The following TP63 variants were observed in gnomAD, a reference collection of about 807,000 sequenced individuals.
The protein encoded by TP63 is tumor protein 63.
In TP63, 17 loss-of-function variants were observed where a neutral mutation model predicts 82.8. That is an observed-to-expected ratio of 0.21 (90% CI 0.14 to 0.31). The LOEUF is 0.31. Ranked by LOEUF, TP63 falls within the 10% of genes least tolerant of loss-of-function variation. The pLI, the probability that TP63 is intolerant of heterozygous loss-of-function variation, is 1.00. For missense variants in TP63, 648 were observed against 895.3 expected, an observed-to-expected ratio of 0.72 and a Z score of 3.52; for synonymous variants, 330 against 321.7, an observed-to-expected ratio of 1.03 and a Z score of -0.28.
chr3:189,878,749 A>G (rs1471386276), intron 10 of TP63, among the ~76,000 whole-genome samples: 1 of 144,164 alleles, frequency 6.9e-6, no homozygotes, highest in South Asian at 2.3e-4. Context: ...TTTGAATTTC[A>G]TAGTTATGAA....
At chr3:189,892,741 G>A (rs967673582) in intron 13 of TP63, among the ~76,000 whole-genome samples, 2 of 152,110 alleles carry the variant, frequency 1.3e-5, no homozygotes, top group Admixed American at 6.5e-5. Flanking sequence ...GCAGTGAGCC[G>A]AGATCACGCC....
At chr3:189,855,814 C>T (rs1436549245) in intron 4 of TP63, among the ~76,000 whole-genome samples, 1 of 151,900 alleles carries the variant, frequency 6.6e-6, no homozygotes, top group African/African-American at 2.4e-5. Flanking sequence ...TTCCAGAATT[C>T]TGTGTGCACA....
At chr3:189,753,475 T>G (rs2108525695) in intron 3 of TP63, among the ~76,000 whole-genome samples, 1 of 152,134 alleles carries the variant, frequency 6.6e-6, no homozygotes, top group Middle Eastern at 3.4e-3. Context: ...CAAATCTAGC[T>G]TTCTTTTGAT....
At chr3:189,882,249 G>A (rs949749170) in intron 10 of TP63, among the ~76,000 whole-genome samples, 1 of 151,934 alleles carries the variant, frequency 6.6e-6, no homozygotes, top group East Asian at 1.9e-4. Flanking sequence ...CCTTTTTTAA[G>A]TAAGTTTTTA....
chr3:189,744,327 T>G (rs1490924109), intron 3 of TP63, among the ~76,000 whole-genome samples: 1 of 152,166 alleles, frequency 6.6e-6, no homozygotes, highest in African/African-American at 2.4e-5. Context: ...AGAGCTATGG[T>G]GTAGCTGCTG....
intron 3 of TP63, among the ~76,000 whole-genome samples, chr3:189,765,137 C>T (rs1722840611): frequency 6.6e-6 from 1 of 151,856 alleles, no homozygotes; most frequent in African/African-American, 2.4e-5. Context: ...CCCATTTAAC[C>T]AAGATATTTT....
chr3:189,851,033 G>A (rs997395885), intron 4 of TP63, among the ~76,000 whole-genome samples: 4 of 152,182 alleles, frequency 2.6e-5, no homozygotes, highest in African/African-American at 7.2e-5. Context: ...CACTTTATGT[G>A]GAGAATCTTA....
chr3:189,725,647 T>C (rs1719720238), intron 1 of TP63, among the ~76,000 whole-genome samples: 1 of 151,910 alleles, frequency 6.6e-6, no homozygotes, highest in Non-Finnish European at 1.5e-5. Flanking sequence ...GGGCAGATGG[T>C]GGGGGAGGAA....
intron 4 of TP63, among the ~76,000 whole-genome samples, chr3:189,863,799 A>G (rs1339403891): frequency 6.6e-6 from 1 of 152,190 alleles, no homozygotes; most frequent in African/African-American, 2.4e-5. Context: ...AGTATATTAA[A>G]GACTGGATTA....
chr3:189,771,302 A>ATATATATAATATATTATATATT (rs1553835318), intron 3 of TP63, among the ~76,000 whole-genome samples: 15,892 of 123,146 alleles, frequency 0.13, 1,329 homozygotes, highest in African/African-American at 0.26. Flanking sequence ...TATTATATTT[A>ATATATATAATATATTATATATT]TATATATAAT....
chr3:189,726,214 G>A (rs973237522), intron 1 of TP63, among the ~76,000 whole-genome samples: 4 of 152,136 alleles, frequency 2.6e-5, no homozygotes, highest in Admixed American at 6.5e-5. Context: ...TGGGCCGATC[G>A]TCTTATCACT....
At chr3:189,815,403 A>G (rs9817608) in intron 4 of TP63, among the ~76,000 whole-genome samples, 53,555 of 151,958 alleles carry the variant, frequency 0.35, 10,793 homozygotes, top group Non-Finnish European at 0.46. Context: ...TAAGTACAGA[A>G]ACTGTGGCAA....
At chr3:189,666,329 G>C (rs1714387864) in intron 1 of TP63, among the ~76,000 whole-genome samples, 1 of 151,924 alleles carries the variant, frequency 6.6e-6, no homozygotes, top group South Asian at 2.1e-4. Flanking sequence ...AGACATATTT[G>C]ACATTCTACT....
intron 1 of TP63, among the ~76,000 whole-genome samples, chr3:189,682,544 AAAAAAAAAAATAT>A (rs1293671864): frequency 1.1e-3 from 30 of 27,484 alleles, no homozygotes; most frequent in Admixed American, 6.3e-3. Context: ...GGGAAAAAAA[AAAAAAAAAAATAT>A]ATATATATAT....
At chr3:189,869,245 T>C in intron 8 of TP63, 79 bp from the exon 9 acceptor site, 1 of 1,040,136 alleles carries the variant, frequency 9.6e-7, no homozygotes. Flanking sequence ...ACATTAATAT[T>C]TAATTATTAA....
intron 3 of TP63, among the ~76,000 whole-genome samples, chr3:189,776,553 T>A (rs1293307003): frequency 1.3e-5 from 2 of 152,218 alleles, no homozygotes; most frequent in African/African-American, 4.8e-5. Flanking sequence ...TTCCTAAATT[T>A]ATCCTGAAAA....
chr3:189,754,071 C>G (rs1468810558), intron 3 of TP63, among the ~76,000 whole-genome samples: 1 of 152,098 alleles, frequency 6.6e-6, no homozygotes, highest in Non-Finnish European at 1.5e-5. Context: ...ATTTTATTGA[C>G]TATAATATTT....
In TP63 at chr3:189,640,108, A is replaced by G. The variant is rs141874528; in HGVS notation, c.62+8531A>G. On this transcript the variant is annotated intron_variant, in intron 1 of 13. Coordinates refer to ENST00000264731, the MANE Select transcript of TP63 (RefSeq NM_003722.5). ...GTAGTGTCATTTACTTCTTAACTAC[A>G]TAAATAATGAATATATTATTCATTA... Among the ~76,000 whole-genome samples the G allele has an allele frequency of 4.3e-3, 658 of 152,282 alleles. 3 individuals carry two copies. Among genetic ancestry groups the G allele is most frequent in the Non-Finnish European group, 6.0e-3 (406 of 67,988 alleles).
chr3:189,733,946 C>T (rs1251735663), intron 1 of TP63, among the ~76,000 whole-genome samples: 7 of 152,118 alleles, frequency 4.6e-5, no homozygotes, highest in Admixed American at 2.6e-4. Flanking sequence ...CCCACTCTCC[C>T]ATTTCTACCA....
Sources: allele counts gnomAD v4.1 joint callset (sites outside exome capture counted in the v4.1 genomes callset), GRCh38; gene constraint gnomAD v4.1.1; transcripts MANE v1.5; gene names NCBI Gene and HGNC (gene_info 2026-07-23, HGNC 2026-07-21).